The following CDIN1 variants were observed in gnomAD, a reference collection of about 807,000 sequenced individuals.
CDIN1 encodes CDAN1-interacting nuclease 1.
In CDIN1, 33 loss-of-function variants were observed where a neutral mutation model predicts 45.3. The observed-to-expected ratio is 0.73, with a 90% confidence interval of 0.55 to 0.97. The LOEUF is 0.97. Among genes scored for constraint, CDIN1 ranks in the 50% least tolerant of loss-of-function variants. The probability of loss-of-function intolerance (pLI) is 0.00; values close to 1 mark genes in which losing one functional copy is unlikely to be tolerated. For synonymous variants in CDIN1, 118 were observed against 124.4 expected (o/e 0.95, Z 0.34); for missense variants, 303 against 339.4 (o/e 0.89, Z 0.84).
At chr15:36,705,294 T>C (rs1264820955) in intron 8 of CDIN1, 1 of 152,198 alleles carries the variant, frequency 6.6e-6, no homozygotes, top group Non-Finnish European at 1.5e-5. Context: ...GTTCATCTCC[T>C]TTTCAGGCAG....
At chr15:36,606,479 C>T (rs987518052) in intron 1 of CDIN1, among the ~76,000 whole-genome samples, 23 of 152,192 alleles carry the variant, frequency 1.5e-4, no homozygotes, top group Middle Eastern at 3.4e-3. Flanking sequence ...TAAAGAGATG[C>T]GGAAATGAAG....
rs2044479327 is a variant in CDIN1, at chr15:36,747,263, G to A, written c.716+37302G>A. 1.2e-5 allele frequency: 4 copies of A among 334,864 alleles called. 1 individual carries two copies. The Admixed American group carries it at 1.9e-4, about 16-fold the overall frequency. 20.7% of individuals were successfully genotyped at this position (334,864 alleles called of 1,614,324 possible). A position where few individuals can be genotyped will look rare whatever the true frequency, so the allele number is the denominator to read the frequency against. ...GTAACACTTGTAACAAACATTTCTG[G>A]GTGACAAAATAATTTGCCTTTCAGG... On this transcript the variant is annotated intron_variant, in intron 10 of 10. Transcript: ENST00000566621.
At chr15:36,642,698 G>C (rs1407596823) in intron 1 of CDIN1, among the ~76,000 whole-genome samples, 1 of 152,174 alleles carries the variant, frequency 6.6e-6, no homozygotes, top group Non-Finnish European at 1.5e-5. Flanking sequence ...CTACAGTTAT[G>C]TTATGTTTTA....
intron 5 of CDIN1, among the ~76,000 whole-genome samples, chr15:36,671,467 A>G (rs944354358): frequency 6.6e-6 from 1 of 152,086 alleles, no homozygotes; most frequent in Admixed American, 6.6e-5. Flanking sequence ...TCATTCTGAC[A>G]TATTGTGTGT....
chr15:36,651,259 A>T (rs1023470426), intron 3 of CDIN1, among the ~76,000 whole-genome samples: 4 of 152,090 alleles, frequency 2.6e-5, no homozygotes, highest in East Asian at 1.9e-4. Context: ...AAGGTTCAAC[A>T]TTCATTTGTG....
rs1311871107 is a variant in CDIN1 at position 36,809,528 on chromosome 15, T to G, written c.*1075T>G. 6.6e-6 allele frequency: 1 copy of G among 152,216 alleles called. No homozygotes were observed. Among genetic ancestry groups the G allele is most frequent in the East Asian group, 1.9e-4 (1 of 5,192 alleles). 9.4% of individuals were successfully genotyped at this position (152,216 alleles called of 1,614,324 possible). A position where few individuals can be genotyped will look rare whatever the true frequency, so the allele number is the denominator to read the frequency against. ...TTCACTTTTGTGTACTTTTATGTAC[T>G]GCAAATCAGATTTCAGTCTAAAGCG... On this transcript the variant is annotated 3_prime_UTR_variant, in exon 11 of 11. Coordinates refer to ENST00000566621, the MANE Select transcript of CDIN1 (RefSeq NM_001321759.2).
At chr15:36,677,053 A>G (rs530475040) in intron 5 of CDIN1, among the ~76,000 whole-genome samples, 43 of 152,300 alleles carry the variant, frequency 2.8e-4, no homozygotes, top group Non-Finnish European at 2.9e-5. Flanking sequence ...ATTGTATCCT[A>G]TGAGAAAGAG....
intron 1 of CDIN1, among the ~76,000 whole-genome samples, chr15:36,620,889 G>A (rs572053640): frequency 2.0e-4 from 31 of 152,052 alleles, no homozygotes; most frequent in South Asian, 8.3e-4. Context: ...ATACAGTTTG[G>A]AATTCACTGA....
At chr15:36,795,292 C>G (rs2054766122) in intron 10 of CDIN1, among the ~76,000 whole-genome samples, 1 of 152,072 alleles carries the variant, frequency 6.6e-6, no homozygotes, top group Admixed American at 6.6e-5. Context: ...AAGAGAAAAC[C>G]TAAAGTGTTC....
intron 1 of CDIN1, chr15:36,591,910 A>G (rs2037593469): frequency 6.6e-6 from 1 of 152,184 alleles, no homozygotes; most frequent in Non-Finnish European, 1.5e-5. Flanking sequence ...AGTATCAACA[A>G]CAAGTGAATG....
intron 1 of CDIN1, among the ~76,000 whole-genome samples, chr15:36,630,060 G>A (rs1000881259): frequency 6.6e-6 from 1 of 152,162 alleles, no homozygotes; most frequent in African/African-American, 2.4e-5. Context: ...GTTAGACCAC[G>A]AGATGGTTAT....
chr15:36,642,738 A>G (rs559317486), intron 1 of CDIN1, among the ~76,000 whole-genome samples: 115 of 152,302 alleles, frequency 7.6e-4, no homozygotes, highest in Non-Finnish European at 9.7e-4. Flanking sequence ...TTCATTGGTC[A>G]TTGGTCCCTA....
chr15:36,607,159 G>A (rs55788954), intron 1 of CDIN1, among the ~76,000 whole-genome samples: 1,746 of 152,264 alleles, frequency 0.011, 17 homozygotes, highest in Non-Finnish European at 0.019. Context: ...TGGTACCCAT[G>A]AAAATGAACT....
rs555488441 is a variant in CDIN1, at chr15:36,654,029, G to A, written c.213-69G>A. On this transcript the variant is annotated intron_variant, in intron 3 of 10. Transcript: ENST00000566621. The stretch of plus-strand genomic sequence containing the variant: ...TCCAGGAGAAACATGTATACACACA[G>A]GGGATGCTGACAAGTCTATGCTGGC... The A allele has an allele frequency of 5.7e-5, 66 of 1,160,632 alleles. No homozygotes were observed. In the Admixed American group the frequency reaches 6.6e-4, roughly 12 times the overall value. The allele number at this position is 1,160,632 out of a possible 1,614,324, so 71.9% of individuals were successfully genotyped here. A position where few individuals can be genotyped will look rare whatever the true frequency, so the allele number is the denominator to read the frequency against.
At chr15:36,632,296 C>G (rs976013093) in intron 1 of CDIN1, among the ~76,000 whole-genome samples, 2 of 152,204 alleles carry the variant, frequency 1.3e-5, no homozygotes, top group Non-Finnish European at 2.9e-5. Flanking sequence ...TCCCACCCCT[C>G]TGAAGCACAG....
chr15:36,595,792 T>G (rs535550313), intron 1 of CDIN1, among the ~76,000 whole-genome samples: 1 of 152,322 alleles, frequency 6.6e-6, no homozygotes, highest in Admixed American at 6.5e-5. Flanking sequence ...TGTGATTTAG[T>G]AAATACTTGG....
At chr15:36,734,440 T>C in intron 10 of CDIN1, 1 of 393,538 alleles carries the variant, frequency 2.5e-6, no homozygotes, top group South Asian at 2.0e-5. Context: ...TCCACTGAGT[T>C]CAGTCCTAAA....
intron 1 of CDIN1, chr15:36,613,725 A>G: frequency 3.8e-6 from 6 of 1,563,136 alleles, no homozygotes; most frequent in Non-Finnish European, 5.3e-6. Context: ...AAAGCTGCTG[A>G]TGAGAGTGAG....
At chr15:36,798,316 G>C (rs1053766333) in intron 10 of CDIN1, among the ~76,000 whole-genome samples, 8 of 152,106 alleles carry the variant, frequency 5.3e-5, no homozygotes, top group African/African-American at 1.9e-4. Context: ...TAATGATCTA[G>C]ACATTTCTAA....
Sources: allele counts gnomAD v4.1 joint callset (sites outside exome capture counted in the v4.1 genomes callset), GRCh38; gene constraint gnomAD v4.1.1; transcripts MANE v1.5; gene names NCBI Gene and HGNC (gene_info 2026-07-23, HGNC 2026-07-21).